MCM10: variants seen among roughly 807,000 people sequenced by gnomAD.
MCM10 encodes the protein protein MCM10 homolog.
MCM10 carries 91 observed loss-of-function variants against 109.9 expected under a neutral mutation model. The ratio of observed to expected loss-of-function variants is 0.83; its 90% confidence interval spans 0.70 to 0.99. The LOEUF is 0.99. MCM10 is among the 50% of genes least tolerant of loss of function. MCM10 has a pLI of 0.00. For synonymous variants in MCM10, 380 were observed against 387.2 expected (o/e 0.98, Z 0.22); for missense variants, 1,077 against 1,061.2 (o/e 1.01, Z -0.21).
At chr10:13,188,396 C>A (rs1034165654) in intron 9 of MCM10, among the ~76,000 whole-genome samples, 4 of 152,082 alleles carry the variant, frequency 2.6e-5, no homozygotes, top group African/African-American at 9.7e-5. Context: ...ACCACCAGCT[C>A]CCTGGTTTCA....
intron 13 of MCM10, among the ~76,000 whole-genome samples, chr10:13,193,499 G>C (rs1046629668): frequency 6.6e-6 from 1 of 152,154 alleles, no homozygotes; most frequent in Non-Finnish European, 1.5e-5. Context: ...CAGAGAGCTA[G>C]TTTATGGTGG....
At chr10:13,188,578 C>T (rs944425766) in intron 9 of MCM10, among the ~76,000 whole-genome samples, 6 of 152,034 alleles carry the variant, frequency 3.9e-5, no homozygotes, top group Non-Finnish European at 7.4e-5. Context: ...TAACATAGGA[C>T]CTTGTGTGTC....
chr10:13,175,749 G>T, intron 6 of MCM10, 68 bp downstream of exon 6: 1 of 1,109,270 alleles, frequency 9.0e-7, no homozygotes, highest in Non-Finnish European at 1.3e-6. Context: ...GAGTCCTTTA[G>T]AAGTAGTGTG....
In MCM10 at chr10:13,172,499, T is replaced by C. The variant is rs1196411724; in HGVS notation, c.454+19T>C. On this transcript the variant is annotated intron_variant, in intron 4 of 19. Transcript: ENST00000378714. The surrounding 1 kb of genome is among the most constrained non-coding windows in gnomAD (Gnocchi z 5.2). ...TCCCCTGGTAAGAAGACTGTCATTCTGGCAATCGTGTGCATTTATTTTATT... is the reference window on the plus strand; with the variant it reads ...TCCCCTGGTAAGAAGACTGTCATTCCGGCAATCGTGTGCATTTATTTTATT... 6.2e-7 allele frequency: 1 copy of C among 1,609,010 alleles called. No homozygotes were observed.
chr10:13,183,039 AG>A lies in MCM10; in HGVS notation c.1041del (p.Thr348LeufsTer3). Reference sequence around the variant, plus strand: ...CACAAAGCGCTCTGGAAGACGGAGCAGGGGACTGTCGTAGGGATCCTCAATG... The same window carrying A: ...CACAAAGCGCTCTGGAAGACGGAGCAGGGACTGTCGTAGGGATCCTCAATG... ...EVHKALWKTEQGTVVGILNAN... is the reference protein window; with the variant it reads ...EVHKALWKTEXGTVVGILNAN... On this transcript the variant is annotated frameshift_variant, in exon 8 of 20. Transcript: ENST00000378714. LOFTEE classifies it high-confidence loss of function. 6.2e-7 allele frequency: 1 copy of A among 1,614,190 alleles called. No individual in the cohort carries two copies. Among genetic ancestry groups the A allele is most frequent in the Non-Finnish European group, 8.5e-7 (1 of 1,180,012 alleles).
chr10:13,192,177 A>C, intron 11 of MCM10, 78 bp from the exon 12 acceptor site: 1 of 860,598 alleles, frequency 1.2e-6, no homozygotes, highest in Non-Finnish European at 1.9e-6. Flanking sequence ...ACAAGTGCAG[A>C]GTTTAGAAAG....
chr10:13,202,047 C>G (rs887359076), intron 17 of MCM10, among the ~76,000 whole-genome samples: 1 of 152,176 alleles, frequency 6.6e-6, no homozygotes, highest in African/African-American at 2.4e-5. Context: ...GTCCTCTATT[C>G]TTCAACACTG....
intron 8 of MCM10, among the ~76,000 whole-genome samples, chr10:13,185,738 T>A (rs558500306): frequency 1.3e-5 from 2 of 152,316 alleles, no homozygotes; most frequent in Non-Finnish European, 2.9e-5. Context: ...TATAGAGCCC[T>A]GGCTTCAAAT....
chr10:13,172,861 T>A lies in MCM10; in HGVS notation c.592+96T>A. ...GTGTGGGTGTCTGTGTCTTTTGGTC[T>A]GTCTTATGTCCCCATTGAGAAAGAA... On this transcript the variant is annotated intron_variant, in intron 5 of 19. Transcript: ENST00000378714. The surrounding 1 kb of genome is among the most constrained non-coding windows in gnomAD (Gnocchi z 5.2). 1 of 1,177,710 alleles carries A rather than the reference T, an allele frequency of 8.5e-7. No individual in the cohort carries two copies. Among genetic ancestry groups the A allele is most frequent in the Non-Finnish European group, 1.2e-6 (1 of 835,000 alleles). The allele number at this position is 1,177,710 out of a possible 1,614,324, so 73.0% of individuals were successfully genotyped here.
intron 9 of MCM10, among the ~76,000 whole-genome samples, chr10:13,186,549 G>A (rs181781508): frequency 3.9e-5 from 6 of 152,222 alleles, no homozygotes; most frequent in Admixed American, 2.6e-4. Context: ...TTTAATTCTT[G>A]TAATTCCACA....
Position 13,180,606 on chromosome 10 carries a change from G to T in MCM10, c.929G>T (p.Ser310Ile), listed in dbSNP as rs375369051. The T allele has an allele frequency of 6.2e-7, 1 of 1,613,884 alleles. No individual in the cohort carries two copies. The highest frequency in any genetic ancestry group is 8.5e-7 in the Non-Finnish European group (1 of 1,179,982). The change falls in exon 7 of 20, where the codon AGT becomes ATT. Residue 310 changes from serine to isoleucine, a missense_variant and splice_region_variant. Physicochemically the swap from Ser to Ile is moderately radical, Grantham distance 142. Coordinates refer to ENST00000378714, the MANE Select transcript of MCM10 (RefSeq NM_018518.5). ...LKKVTPQSVN[S>I]GKTFSIWKLN... ...AAGGTTACGCCACAGAGTGTGAATAGTGTAAGCCATTGTATTGGTTTCTTA... is the reference window on the plus strand; with the variant it reads ...AAGGTTACGCCACAGAGTGTGAATATTGTAAGCCATTGTATTGGTTTCTTA...
At chr10:13,167,466 G>A (rs1373660376) in intron 2 of MCM10, among the ~76,000 whole-genome samples, 1 of 152,164 alleles carries the variant, frequency 6.6e-6, no homozygotes, top group Non-Finnish European at 1.5e-5. Flanking sequence ...TACTATGGGA[G>A]TGGGTAGCTA....
At chr10:13,207,816 G>T (rs1217935591) in intron 18 of MCM10, among the ~76,000 whole-genome samples, 1 of 152,102 alleles carries the variant, frequency 6.6e-6, no homozygotes, top group Admixed American at 6.6e-5. Context: ...AAATTACCCA[G>T]TCTTGGGTAT....
rs747448517 is a variant in MCM10, at chr10:13,172,641, G to A, written c.468G>A (p.Arg156=). 5 of 1,614,056 alleles carry A rather than the reference G, an allele frequency of 3.1e-6. No individual in the cohort carries two copies. The highest frequency in any genetic ancestry group is 3.4e-6 in the Non-Finnish European group (4 of 1,180,010). ...RLQKSPEKSP[R]PPLKERRVQR... ...TTGATTAAGTAGAGAAGTCTCCCCG[G>A]CCACCTCTTAAGGAGAGGAGAGTTC... is the stretch of plus-strand genomic sequence containing the variant. Residue 156 remains arginine (R), a synonymous_variant, in exon 5 of 20, where the codon CGG becomes CGA. Transcript: ENST00000378714. This position sits in a 1 kb window ranked among gnomAD's most constrained non-coding sequence, Gnocchi z 5.2.
At chr10:13,188,720 G>C (rs1045025173) in intron 9 of MCM10, among the ~76,000 whole-genome samples, 161 bp from the exon 10 acceptor site, 1 of 152,168 alleles carries the variant, frequency 6.6e-6, no homozygotes, top group Admixed American at 6.6e-5. Context: ...TTCCCCTCAG[G>C]GACTGAGCAG....
At position 13,175,492 on chromosome 10, in the gene MCM10, A is replaced by T; in HGVS notation, c.593-18A>T. On this transcript the variant is annotated intron_variant, in intron 5 of 19. Transcript: ENST00000378714. ...TATCAGTGTGGTTGCCTTTTCATTA[A>T]TTGTGTTAATTTTCTAGATCCCAAA... is the stretch of plus-strand genomic sequence containing the variant. 1 of 1,611,254 alleles carries T rather than the reference A, an allele frequency of 6.2e-7. No individual in the cohort carries two copies. Among genetic ancestry groups the T allele is most frequent in the Non-Finnish European group, 8.5e-7 (1 of 1,177,762 alleles).
chr10:13,208,946 C>T (rs1834621494), intron 18 of MCM10, 145 bp from the exon 19 acceptor site: 1 of 680,402 alleles, frequency 1.5e-6, no homozygotes, highest in South Asian at 1.8e-5. Context: ...AGCATAACCT[C>T]AGATTTGGCA....
rs1254645832 is a variant in MCM10 at position 13,209,148 on chromosome 10, T to C, written c.2541+15T>C. 1 of 1,610,686 alleles carries C rather than the reference T, an allele frequency of 6.2e-7. No individual in the cohort carries two copies. The highest frequency in any genetic ancestry group is 2.2e-5 in the East Asian group (1 of 44,862). On this transcript the variant is annotated intron_variant, in intron 19 of 19. Coordinates refer to ENST00000378714, the MANE Select transcript of MCM10 (RefSeq NM_018518.5). Reference sequence around the variant, plus strand: ...GAATGCTAAAGGTATGCCATTTGCGTACTAATTTTTGACTCCTTTTAGTGA... The same window carrying C: ...GAATGCTAAAGGTATGCCATTTGCGCACTAATTTTTGACTCCTTTTAGTGA...
chr10:13,194,505 C>G (rs763305416), intron 13 of MCM10, among the ~76,000 whole-genome samples: 1 of 152,146 alleles, frequency 6.6e-6, no homozygotes, highest in African/African-American at 2.4e-5. Context: ...AAGATCATGC[C>G]ACTGCACTCC....
Sources: gnomAD v4.1 joint callset for allele counts (sites outside exome capture counted in the v4.1 genomes callset) on GRCh38, gnomAD v4.1.1 for gene constraint, Gnocchi (gnomAD v3.1) non-coding constraint, MANE v1.5 for transcripts, NCBI Gene and HGNC (gene_info 2026-07-23, HGNC 2026-07-21) for gene names.